The following TMEM175 variants were observed in gnomAD, a reference collection of about 807,000 sequenced individuals.
TMEM175 encodes the protein transmembrane protein 175.
Under a neutral mutation model 36.5 loss-of-function variants are expected in TMEM175, and 36 were observed. That is an observed-to-expected ratio of 0.99 (90% confidence interval 0.76 to 1.30). TMEM175 has a LOEUF of 1.30. TMEM175 is among the 50% of genes most tolerant of loss of function. The probability of loss-of-function intolerance (pLI) is 0.00; values close to 1 mark genes in which losing one functional copy is unlikely to be tolerated. For missense variants in TMEM175, 705 were observed against 692.8 expected (o/e 1.02, Z -0.20); for synonymous variants, 339 against 313.4 (o/e 1.08, Z -0.86).
In TMEM175 at chr4:932,512, G is replaced by C; in HGVS notation, c.-60G>C. The C allele has an allele frequency of 2.2e-6, 1 of 461,192 alleles. No individual in the cohort carries two copies. Among genetic ancestry groups the C allele is most frequent in the Non-Finnish European group, 3.8e-6 (1 of 265,958 alleles). The allele number at this position is 461,192 out of a possible 1,614,324, so 28.6% of individuals were successfully genotyped here. A position where few individuals can be genotyped will look rare whatever the true frequency, so the allele number is the denominator to read the frequency against. Reference sequence around the variant, plus strand: ...GGGCTGACTCAAGCGGAGGCGCGCGGAACAGTCGCCGAGGCGATTCCCGCC... The same window carrying C: ...GGGCTGACTCAAGCGGAGGCGCGCGCAACAGTCGCCGAGGCGATTCCCGCC... On this transcript the variant is annotated 5_prime_UTR_variant, in exon 1 of 11. Coordinates refer to ENST00000264771, the MANE Select transcript of TMEM175 (RefSeq NM_032326.4). The surrounding 1 kb of genome is among the most constrained non-coding windows in gnomAD (Gnocchi z 4.0).
At chr4:936,268 C>T (rs1369507535) in intron 1 of TMEM175, among the ~76,000 whole-genome samples, 1 of 151,052 alleles carries the variant, frequency 6.6e-6, no homozygotes, top group Non-Finnish European at 1.5e-5. Flanking sequence ...TTGCTTGAAC[C>T]CGGGAGGTGG....
intron 1 of TMEM175, among the ~76,000 whole-genome samples, chr4:940,323 C>T (rs906953635): frequency 3.9e-5 from 6 of 151,938 alleles, no homozygotes; most frequent in African/African-American, 1.5e-4. Context: ...TGGCATGCGC[C>T]TGTAATCCCA....
chr4:946,096 A>C (rs1403790742), intron 1 of TMEM175: 1 of 151,964 alleles, frequency 6.6e-6, no homozygotes, highest in Admixed American at 6.5e-5. Context: ...GCCCTGACCT[A>C]CCTTCCTCAC....
intron 9 of TMEM175, 58 bp from the exon 10 acceptor site, chr4:955,697 C>G: frequency 6.3e-7 from 1 of 1,587,166 alleles, no homozygotes; most frequent in South Asian, 1.1e-5. Flanking sequence ...GACAGCCACG[C>G]GGGCTCTACC....
rs1465301446 is a variant in TMEM175 at position 958,237 on chromosome 4, T to C, written c.1256T>C (p.Met419Thr). Reference sequence around the variant, plus strand: ...TTTGGCGGCCGGGAGCATGTGCTCATGTTCGCCAAGCTGGCGCTGTACCCC... The same window carrying C: ...TTTGGCGGCCGGGAGCATGTGCTCACGTTCGCCAAGCTGGCGCTGTACCCC... ...VWFGGREHVL[M>T]FAKLALYPCA... The change falls in exon 11 of 11, where the codon ATG (methionine) becomes ACG (threonine). Residue 419 changes from methionine to threonine, a missense_variant. Transcript: ENST00000264771. 1 of 1,604,362 alleles carries C rather than the reference T, an allele frequency of 6.2e-7. No homozygotes were observed. Among genetic ancestry groups the C allele is most frequent in the South Asian group, 1.1e-5 (1 of 91,046 alleles).
At position 955,752 on chromosome 4, in the gene TMEM175, C is replaced by T; in HGVS notation, c.707-3C>T. Reference sequence around the variant, plus strand: ...CAGCTCCACCCTCCTGGCGTGTCCCCAGGCCACAGGGAGCCCTCGGCTCAC... The same window carrying T: ...CAGCTCCACCCTCCTGGCGTGTCCCTAGGCCACAGGGAGCCCTCGGCTCAC... On this transcript the variant is annotated splice_polypyrimidine_tract_variant and splice_region_variant and intron_variant, in intron 9 of 10. Transcript: ENST00000264771. 1 of 1,612,914 alleles carries T rather than the reference C, an allele frequency of 6.2e-7. No individual in the cohort carries two copies. The highest frequency in any genetic ancestry group is 1.3e-5 in the African/African-American group (1 of 75,024).
chr4:951,934 C>G, intron 6 of TMEM175: 6 of 606,594 alleles, frequency 9.9e-6, no homozygotes, highest in South Asian at 9.8e-5. Flanking sequence ...GAGTCACCGG[C>G]GCTCCCAGCT....
chr4:955,950 G>A (rs1319276093), intron 10 of TMEM175, 60 bp downstream of exon 10: 5 of 1,583,680 alleles, frequency 3.2e-6, no homozygotes, highest in Non-Finnish European at 4.3e-6. Context: ...TGAGTCCCTG[G>A]CGTCTCATCC....
intron 3 of TMEM175, chr4:948,628 G>A: frequency 7.9e-7 from 1 of 1,267,116 alleles, no homozygotes; most frequent in Non-Finnish European, 1.0e-6. Context: ...GAGCGGGAAA[G>A]GGTTTACAAG....
chr4:948,479 C>T (rs1392361101), intron 3 of TMEM175: 2 of 1,446,504 alleles, frequency 1.4e-6, no homozygotes, highest in African/African-American at 2.8e-5. Context: ...GGGCCTGCCC[C>T]AAGGACAGAA....
chr4:952,489 TGTGTG>T, intron 7 of TMEM175, 39 bp downstream of exon 7: 2 of 1,311,534 alleles, frequency 1.5e-6, no homozygotes, highest in Non-Finnish European at 2.1e-6. Flanking sequence ...TGTGTGTGTG[TGTGTG>T]TGTGTGTGTG....
At chr4:952,950 G>A (rs1007931943) in intron 7 of TMEM175, among the ~76,000 whole-genome samples, 1 of 151,962 alleles carries the variant, frequency 6.6e-6, no homozygotes, top group Non-Finnish European at 1.5e-5. Flanking sequence ...GCCAGCAGGG[G>A]CTCCTGTTCT....
chr4:949,341 G>A (rs1332740988), intron 3 of TMEM175, among the ~76,000 whole-genome samples: 1 of 152,222 alleles, frequency 6.6e-6, no homozygotes, highest in Non-Finnish European at 1.5e-5. Flanking sequence ...TTTCTCTGTT[G>A]TCCTAACTGG....
chr4:952,482 G>C, intron 7 of TMEM175, 32 bp downstream of exon 7: 2 of 452,828 alleles, frequency 4.4e-6, no homozygotes, highest in Non-Finnish European at 6.3e-6. Flanking sequence ...CACTGTGTGT[G>C]TGTGTGTGTG....
chr4:952,344 T>TGGTTTTG, intron 6 of TMEM175, 23 bp from the exon 7 acceptor site: 2 of 1,606,126 alleles, frequency 1.2e-6, no homozygotes. Context: ...TGGGGGGGTT[T>TGGTTTTG]GGTTTTGTTT....
In TMEM175 at chr4:932,885, C is replaced by A. The variant is rs971237943; in HGVS notation, c.-32+345C>A. Among the ~76,000 whole-genome samples the A allele has an allele frequency of 2.6e-5, 4 of 152,200 alleles. No homozygotes were observed. Among genetic ancestry groups the A allele is most frequent in the African/African-American group, 9.7e-5 (4 of 41,440 alleles). Reference sequence around the variant, plus strand: ...AACGCTGCTGCATTGCTCTGTCTTCCGAGGAGAGGGCCAGGGTCTGGCCTG... The same window carrying A: ...AACGCTGCTGCATTGCTCTGTCTTCAGAGGAGAGGGCCAGGGTCTGGCCTG... On this transcript the variant is annotated intron_variant, in intron 1 of 10. Coordinates refer to ENST00000264771, the MANE Select transcript of TMEM175 (RefSeq NM_032326.4). The surrounding 1 kb of genome is among the most constrained non-coding windows in gnomAD (Gnocchi z 4.0).
At chr4:947,119 G>A (rs1228182098) in intron 1 of TMEM175, among the ~76,000 whole-genome samples, 25 of 144,814 alleles carry the variant, frequency 1.7e-4, no homozygotes, top group African/African-American at 5.7e-4. Flanking sequence ...CACGGGCGCC[G>A]AGACCGGGGG....
chr4:955,108 A>G (rs1729441655), intron 8 of TMEM175, among the ~76,000 whole-genome samples: 1 of 152,056 alleles, frequency 6.6e-6, no homozygotes. Context: ...ACACCTGACT[A>G]ATTTTTTATT....
rs201589218 is a variant in TMEM175, at chr4:953,305, C to G, written c.578C>G (p.Pro193Arg). The G allele has an allele frequency of 1.2e-6, 2 of 1,613,950 alleles. No individual in the cohort carries two copies. The highest frequency in any genetic ancestry group is 1.7e-6 in the Non-Finnish European group (2 of 1,179,926). Reference sequence around the variant, plus strand: ...GTCCTGGGCATCGTCCTCCAAGGCCCGGCCCTGTGCTTTGCAGCGGCCATC... The same window carrying G: ...GTCCTGGGCATCGTCCTCCAAGGCCGGGCCCTGTGCTTTGCAGCGGCCATC... ...RHVLGIVLQG[P>R]ALCFAAAIFS... The change falls in exon 8 of 11, where the codon CCG becomes CGG. Residue 193 changes from proline (P) to arginine (R), a missense_variant. Coordinates refer to ENST00000264771, the MANE Select transcript of TMEM175 (RefSeq NM_032326.4).
Sources: gnomAD v4.1 joint callset for allele counts (sites outside exome capture counted in the v4.1 genomes callset) on GRCh38, gnomAD v4.1.1 for gene constraint, Gnocchi (gnomAD v3.1) non-coding constraint, MANE v1.5 for transcripts, NCBI Gene and HGNC (gene_info 2026-07-23, HGNC 2026-07-21) for gene names.